CDKAL1: variants seen among roughly 807,000 people sequenced by gnomAD.
The protein encoded by CDKAL1 is CDKAL1 threonylcarbamoyladenosine tRNA methylthiotransferase.
A neutral mutation model predicts 68.2 loss-of-function variants in CDKAL1; 32 were observed. That is an observed-to-expected ratio of 0.47 (90% CI 0.35 to 0.63). The LOEUF (loss-of-function observed/expected upper bound fraction) is 0.63. Among genes scored for constraint, CDKAL1 ranks in the 30% least tolerant of loss-of-function variants. The pLI is 0.00. For missense variants in CDKAL1, 606 were observed against 696.7 expected, an observed-to-expected ratio of 0.87 and a Z score of 1.47; for synonymous variants, 234 against 244.3, an observed-to-expected ratio of 0.96 and a Z score of 0.39.
chr6:20,726,070 G>C (rs899687307), intron 5 of CDKAL1, among the ~76,000 whole-genome samples: 1 of 151,810 alleles, frequency 6.6e-6, no homozygotes, highest in Admixed American at 6.6e-5. Context: ...TCTTTTATAG[G>C]GGGGAGTATT....
At chr6:20,800,934 G>C (rs1260376702) in intron 8 of CDKAL1, among the ~76,000 whole-genome samples, 9 of 151,166 alleles carry the variant, frequency 6.0e-5, no homozygotes, top group Admixed American at 3.3e-4. Context: ...TTCTTTTTTG[G>C]GGTAAACAGG....
chr6:20,859,513 C>T (rs994433914), intron 9 of CDKAL1, among the ~76,000 whole-genome samples: 1 of 152,192 alleles, frequency 6.6e-6, no homozygotes, highest in Non-Finnish European at 1.5e-5. Context: ...AGAGGTGACT[C>T]CCCAAGCTGC....
At chr6:21,157,453 A>G (rs974002390) in intron 13 of CDKAL1, among the ~76,000 whole-genome samples, 3 of 152,130 alleles carry the variant, frequency 2.0e-5, no homozygotes, top group Admixed American at 2.0e-4. Context: ...CAAAAAACGA[A>G]AGATTGTCTT....
intron 4 of CDKAL1, among the ~76,000 whole-genome samples, chr6:20,629,744 C>G (rs1357198611): frequency 6.6e-6 from 1 of 152,092 alleles, no homozygotes; most frequent in Admixed American, 6.5e-5. Context: ...TGCCGCAGCT[C>G]TGTCACCCTG....
intron 10 of CDKAL1, among the ~76,000 whole-genome samples, chr6:20,956,544 CTT>C: frequency 6.6e-6 from 1 of 152,210 alleles, no homozygotes; most frequent in Middle Eastern, 3.4e-3. Flanking sequence ...AAATGAATAA[CTT>C]TTATTTTTTT....
chr6:20,749,182 C>G (rs1773805023), intron 6 of CDKAL1, among the ~76,000 whole-genome samples: 1 of 152,156 alleles, frequency 6.6e-6, no homozygotes, highest in South Asian at 2.1e-4. Context: ...TTAGCCTGAG[C>G]AATGTTGTTA....
At chr6:20,801,013 G>T (rs1048607768) in intron 8 of CDKAL1, among the ~76,000 whole-genome samples, 1 of 152,200 alleles carries the variant, frequency 6.6e-6, no homozygotes. Context: ...AACCTGCCAG[G>T]CTCAAGCAGT....
intron 10 of CDKAL1, among the ~76,000 whole-genome samples, chr6:20,991,334 A>C (rs1156836905): frequency 6.6e-6 from 1 of 152,196 alleles, no homozygotes; most frequent in Non-Finnish European, 1.5e-5. Flanking sequence ...AAGGTTCTGG[A>C]GATGGACAGT....
intron 13 of CDKAL1, among the ~76,000 whole-genome samples, chr6:21,121,668 A>G (rs934216642): frequency 2.0e-5 from 3 of 152,334 alleles, no homozygotes; most frequent in Admixed American, 2.0e-4. Flanking sequence ...CAGCTGTACC[A>G]CTAGTACTCA....
intron 15 of CDKAL1, among the ~76,000 whole-genome samples, chr6:21,215,772 G>A (rs1779320712): frequency 6.6e-6 from 1 of 152,102 alleles, no homozygotes. Context: ...ATCACCCTGG[G>A]GACCTGTGGT....
chr6:21,205,677 C>T (rs1253324957), intron 15 of CDKAL1, among the ~76,000 whole-genome samples: 1 of 150,436 alleles, frequency 6.6e-6, no homozygotes, highest in African/African-American at 2.5e-5. Flanking sequence ...ACCACAGGAA[C>T]CCGCCACCAC....
In CDKAL1 at chr6:20,869,855, T is replaced by C. The variant is rs565126425; in HGVS notation, c.742+23677T>C. Among the ~76,000 whole-genome samples the C allele has an allele frequency of 2.0e-4, 30 of 152,300 alleles. 1 individual carries two copies. Among genetic ancestry groups the C allele is most frequent in the Non-Finnish European group, 3.1e-4 (21 of 68,020 alleles). On this transcript the variant is annotated intron_variant, in intron 9 of 15. Transcript: ENST00000274695. Reference sequence around the variant, plus strand: ...TCACAATGAAGTAGCATCTGATGGCTGATTTTTTAATGCTGTATAATTTAT... The same window carrying C: ...TCACAATGAAGTAGCATCTGATGGCCGATTTTTTAATGCTGTATAATTTAT...
chr6:21,024,264 A>C (rs1768837504), intron 11 of CDKAL1, among the ~76,000 whole-genome samples: 1 of 152,208 alleles, frequency 6.6e-6, no homozygotes. Context: ...TGCAATGTTG[A>C]CCTATTAATA....
intron 4 of CDKAL1, among the ~76,000 whole-genome samples, chr6:20,633,028 C>G (rs116423028): frequency 3.8e-4 from 58 of 152,258 alleles, no homozygotes; most frequent in Non-Finnish European, 7.4e-4. Context: ...TCCAGCTTAC[C>G]TCTAGGTTTT....
chr6:21,190,671 A>G (rs1778199663), intron 13 of CDKAL1, among the ~76,000 whole-genome samples: 1 of 152,196 alleles, frequency 6.6e-6, no homozygotes, highest in Non-Finnish European at 1.5e-5. Flanking sequence ...CCGGGCTGAT[A>G]TGTGTTTTAA....
chr6:21,140,410 T>C (rs974984883), intron 13 of CDKAL1, among the ~76,000 whole-genome samples: 3 of 152,218 alleles, frequency 2.0e-5, no homozygotes, highest in African/African-American at 4.8e-5. Context: ...GGACACATCT[T>C]GGACGTGCCT....
chr6:21,040,517 A>G (rs773710728), intron 11 of CDKAL1, among the ~76,000 whole-genome samples: 5 of 152,200 alleles, frequency 3.3e-5, no homozygotes, highest in Non-Finnish European at 7.4e-5. Flanking sequence ...TACCAATTAG[A>G]TACTAGCTAC....
At chr6:20,755,068 G>A (rs1000317674) in intron 6 of CDKAL1, among the ~76,000 whole-genome samples, 35 of 152,052 alleles carry the variant, frequency 2.3e-4, no homozygotes, top group African/African-American at 8.2e-4. Context: ...TAACTGCATA[G>A]GAAAACATTT....
intron 4 of CDKAL1, among the ~76,000 whole-genome samples, chr6:20,559,978 C>T (rs1456384262): frequency 2.0e-5 from 3 of 152,004 alleles, no homozygotes; most frequent in Admixed American, 6.5e-5. Flanking sequence ...TTAGTATTGT[C>T]TTCTTTAATT....
Sources: allele counts gnomAD v4.1 joint callset (sites outside exome capture counted in the v4.1 genomes callset), GRCh38; gene constraint gnomAD v4.1.1; transcripts MANE v1.5; gene names NCBI Gene and HGNC (gene_info 2026-07-23, HGNC 2026-07-21).